Variants in ABCC3 observed in about 807,000 individuals in gnomAD.
The protein encoded by ABCC3 is ATP binding cassette subfamily C member 3.
In ABCC3, 121 loss-of-function variants were observed where a neutral mutation model predicts 165.3. The observed-to-expected ratio is 0.73, with a 90% CI of 0.63 to 0.85. ABCC3 has a LOEUF of 0.85. ABCC3 is among the 40% of genes least tolerant of loss of function. The probability of loss-of-function intolerance (pLI) is 0.00; values close to 1 mark genes in which losing one functional copy is unlikely to be tolerated. For synonymous variants in ABCC3, 733 were observed against 810.1 expected, an observed-to-expected ratio of 0.90 and a Z score of 1.62; for missense variants, 1,869 against 1,964.1, an observed-to-expected ratio of 0.95 and a Z score of 0.92.
chr17:50,657,450 C>T (rs561086394), intron 4 of ABCC3, among the ~76,000 whole-genome samples: 6 of 152,360 alleles, frequency 3.9e-5, no homozygotes, highest in African/African-American at 9.6e-5. Flanking sequence ...CCACCAAGTG[C>T]AATATCTGAC....
rs867389547 is a variant in ABCC3, at chr17:50,674,010, C to T, written c.2599+352C>T. 2.6e-3 allele frequency among the ~76,000 whole-genome samples: 43 copies of T among 16,336 alleles called. 6 individuals are homozygous for T. The highest frequency in any genetic ancestry group is 3.1e-3 in the African/African-American group (7 of 2,288). The allele number at this position is 16,336 out of a possible 152,430, so 10.7% of individuals were successfully genotyped here. A position where few individuals can be genotyped will look rare whatever the true frequency, so the allele number is the denominator to read the frequency against. On this transcript the variant is annotated intron_variant, in intron 19 of 30. Coordinates refer to ENST00000285238, the MANE Select transcript of ABCC3 (RefSeq NM_003786.4). ...TCTCTCTCTCTCTCTCTCTCTCTCT[C>T]TCTCTCTCTCTCTCTCTCTCTCTCT...
chr17:50,673,966 T>TTCTTTCTTTC lies in ABCC3; in HGVS notation c.2599+310_2599+319dup, dbSNP rs1567835509. 1.5e-3 allele frequency among the ~76,000 whole-genome samples: 32 copies of TTCTTTCTTTC among 21,734 alleles called. 2 individuals carry two copies. The highest frequency in any genetic ancestry group is 2.1e-3 in the East Asian group (2 of 948). The allele number at this position is 21,734 out of a possible 152,430, so 14.3% of individuals were successfully genotyped here. A position where few individuals can be genotyped will look rare whatever the true frequency, so the allele number is the denominator to read the frequency against. On this transcript the variant is annotated intron_variant, in intron 19 of 30. Coordinates refer to ENST00000285238, the MANE Select transcript of ABCC3 (RefSeq NM_003786.4). The stretch of plus-strand genomic sequence containing the variant: ...TTTCTTTCTTTCTTTCTTTCTTTCT[T>TTCTTTCTTTC]TCTTTCTTTCTTTCTCTCTCTCTCT...
intron 1 of ABCC3, among the ~76,000 whole-genome samples, chr17:50,644,438 A>T (rs568333349): frequency 6.6e-6 from 1 of 151,734 alleles, no homozygotes; most frequent in South Asian, 2.1e-4. Flanking sequence ...TTGGCCAGGC[A>T]TGGTGGCTCA....
At chr17:50,689,392 G>A (rs1192858363) in intron 30 of ABCC3, among the ~76,000 whole-genome samples, 1 of 152,194 alleles carries the variant, frequency 6.6e-6, no homozygotes, top group South Asian at 2.1e-4. Flanking sequence ...GCTGGAGGTC[G>A]AGGAGAGAGG....
chr17:50,642,708 T>G (rs928902634), intron 1 of ABCC3, among the ~76,000 whole-genome samples: 1 of 152,218 alleles, frequency 6.6e-6, no homozygotes, highest in African/African-American at 2.4e-5. Context: ...CCATCCTGGA[T>G]TCTCCGCATC....
Position 50,667,657 on chromosome 17 carries a change from A to T in ABCC3, c.1535A>T (p.Lys512Met). The T allele has an allele frequency of 6.2e-7, 1 of 1,614,202 alleles. No homozygotes were observed. Among genetic ancestry groups the T allele is most frequent in the South Asian group, 1.1e-5 (1 of 91,078 alleles). The change falls in exon 12 of 31, where the codon AAG becomes ATG. Residue 512 changes from lysine (K) to methionine (M), a missense_variant. Transcript: ENST00000285238. ...TACGCCTGGGAGCCCAGCTTCCTGA[A>T]GCAGGTGGAGGGCATCAGGCAGGGT... ...KLYAWEPSFL[K>M]QVEGIRQGEL...
At chr17:50,657,983 G>T in intron 4 of ABCC3, 99 bp from the exon 5 acceptor site, 6 of 1,557,124 alleles carry the variant, frequency 3.9e-6, no homozygotes, top group Admixed American at 1.8e-5. Flanking sequence ...GCTGCCTCCT[G>T]CCCCAGAGGA....
Position 50,678,169 on chromosome 17 carries a change from AG to A in ABCC3, c.3656del (p.Ser1219ThrfsTer3), listed in dbSNP as rs747789089. ...FAALFAVIGR[S>X]SLNPGLVGLS... Reference sequence around the variant, plus strand: ...TGCACTATTTGCCGTCATCGGGAGGAGCAGCCTGAACCCGGGGCTGGTGGGC... The same window carrying A: ...TGCACTATTTGCCGTCATCGGGAGGACAGCCTGAACCCGGGGCTGGTGGGC... On this transcript the variant is annotated frameshift_variant, in exon 25 of 31. Coordinates refer to ENST00000285238, the MANE Select transcript of ABCC3 (RefSeq NM_003786.4). LOFTEE classifies it high-confidence loss of function. 1 of 1,549,092 alleles carries A rather than the reference AG, an allele frequency of 6.5e-7. No homozygotes were observed. The highest frequency in any genetic ancestry group is 1.3e-5 in the South Asian group (1 of 78,798).
Position 50,657,050 on chromosome 17 carries a change from T to C in ABCC3, c.353T>C (p.Leu118Pro). 6.2e-7 allele frequency: 1 copy of C among 1,613,464 alleles called. No individual in the cohort carries two copies. The highest frequency in any genetic ancestry group is 2.2e-5 in the East Asian group (1 of 44,890). ...TPLVVGVTML[L>P]ATLLIQYERL... ...CTCCCTGCCCTCCCTGCACAGCTGC[T>C]GGCCACCCTGCTGATACAGTATGAG... Residue 118 changes from leucine to proline, a missense_variant, in exon 4 of 31, where the codon CTG (leucine) becomes CCG (proline). Coordinates refer to ENST00000285238, the MANE Select transcript of ABCC3 (RefSeq NM_003786.4).
intron 1 of ABCC3, among the ~76,000 whole-genome samples, chr17:50,651,649 C>T (rs1433736431): frequency 6.6e-6 from 1 of 152,152 alleles, no homozygotes; most frequent in Non-Finnish European, 1.5e-5. Context: ...TGCTTGAGCC[C>T]AGGAGGCAGA....
In ABCC3 at chr17:50,683,662, G is replaced by C; in HGVS notation, c.3860G>C (p.Gly1287Ala). 1 of 1,603,400 alleles carries C rather than the reference G, an allele frequency of 6.2e-7. No individual in the cohort carries two copies. Among genetic ancestry groups the C allele is most frequent in the Non-Finnish European group, 8.5e-7 (1 of 1,174,730 alleles). Residue 1287 changes from glycine to alanine, a missense_variant, in exon 27 of 31, where the codon GGG becomes GCG. Coordinates refer to ENST00000285238, the MANE Select transcript of ABCC3 (RefSeq NM_003786.4). ...CCTCCCGAAGGTTGGCCCCCACGTG[G>C]GGAGGTGGAGTTCCGGAATTATTCT... ...SRPPEGWPPR[G>A]EVEFRNYSVR...
intron 5 of ABCC3, 93 bp downstream of exon 5, chr17:50,658,300 G>C: frequency 1.2e-5 from 19 of 1,598,906 alleles, no homozygotes; most frequent in South Asian, 8.8e-5. Flanking sequence ...TCCTTTCAAA[G>C]TGGGAGAGAG....
At chr17:50,690,855 T>G (rs1397738979) in intron 30 of ABCC3, among the ~76,000 whole-genome samples, 1 of 152,258 alleles carries the variant, frequency 6.6e-6, no homozygotes, top group Non-Finnish European at 1.5e-5. Flanking sequence ...TTCAGAGCCC[T>G]GACTAGCAGA....
At chr17:50,664,614 A>G in intron 10 of ABCC3, 1 of 185,264 alleles carries the variant, frequency 5.4e-6, no homozygotes, top group Non-Finnish European at 1.1e-5. Flanking sequence ...GAGGCAGGAG[A>G]ATCGCTTGAA....
chr17:50,667,346 G>C (rs1266156369), intron 11 of ABCC3, among the ~76,000 whole-genome samples: 2 of 152,116 alleles, frequency 1.3e-5, no homozygotes, highest in African/African-American at 4.8e-5. Context: ...GGGTGGAGAT[G>C]GATCTTGTCA....
In ABCC3 at chr17:50,678,119, T is replaced by C. The variant is rs886208245; in HGVS notation, c.3605T>C (p.Val1202Ala). 2.5e-6 allele frequency: 4 copies of C among 1,593,048 alleles called. No homozygotes were observed. The African/African-American group carries it at 4.0e-5, about 16-fold the overall frequency. ...TGGCTGAGCATCGGAGTGGAGTTCGTGGGGAACTGCGTGGTGCTCTTTGCT... is the reference window on the plus strand; with the variant it reads ...TGGCTGAGCATCGGAGTGGAGTTCGCGGGGAACTGCGTGGTGCTCTTTGCT... ...NRWLSIGVEF[V>A]GNCVVLFAAL... Residue 1202 changes from valine to alanine, a missense_variant, in exon 25 of 31, where the codon GTG (valine) becomes GCG (alanine). Transcript: ENST00000285238.
intron 11 of ABCC3, 81 bp downstream of exon 11, chr17:50,665,326 C>A: frequency 7.8e-7 from 1 of 1,274,016 alleles, no homozygotes; most frequent in Non-Finnish European, 1.1e-6. Context: ...AACCTTGGGG[C>A]CTCCCAACTA....
intron 30 of ABCC3, among the ~76,000 whole-genome samples, chr17:50,689,526 G>A (rs548903992): frequency 6.6e-6 from 1 of 152,354 alleles, no homozygotes; most frequent in South Asian, 2.1e-4. Flanking sequence ...GGAGTATAGT[G>A]GGAATACCCC....
At chr17:50,647,704 C>T (rs1967029245) in intron 1 of ABCC3, among the ~76,000 whole-genome samples, 1 of 152,176 alleles carries the variant, frequency 6.6e-6, no homozygotes, top group Non-Finnish European at 1.5e-5. Flanking sequence ...CACACTGTTG[C>T]AGGGAGGTCC....
Sources: gnomAD v4.1 joint callset for allele counts (sites outside exome capture counted in the v4.1 genomes callset) on GRCh38, gnomAD v4.1.1 for gene constraint, MANE v1.5 for transcripts, NCBI Gene and HGNC (gene_info 2026-07-23, HGNC 2026-07-21) for gene names.